The following ABCA8 variants were observed in gnomAD, a reference collection of about 807,000 sequenced individuals.
ABCA8 encodes ABC-type organic anion transporter ABCA8.
In ABCA8, 177 loss-of-function variants were observed where a neutral mutation model predicts 192.3. That is an observed-to-expected ratio of 0.92 (90% CI 0.81 to 1.04). The LOEUF is 1.04. Ranked by LOEUF, ABCA8 falls within the 50% of genes least tolerant of loss-of-function variation. The probability of loss-of-function intolerance (pLI) is 0.00; values close to 1 mark genes in which losing one functional copy is unlikely to be tolerated. For missense variants in ABCA8, 1,915 were observed against 1,904.8 expected (o/e 1.01, Z -0.10); for synonymous variants, 642 against 690.2 (o/e 0.93, Z 1.09).
chr17:68,914,341 G>A (rs940253914), intron 17 of ABCA8, among the ~76,000 whole-genome samples: 1 of 152,062 alleles, frequency 6.6e-6, no homozygotes, highest in Non-Finnish European at 1.5e-5. Context: ...AAATGGAAAG[G>A]AAGAAATAAA....
rs6146128 is a variant in ABCA8, at chr17:68,935,540, C to CTATATATATATATATATATATATATATA, written c.466+1383_466+1410dup. 2.5e-4 allele frequency among the ~76,000 whole-genome samples: 22 copies of CTATATATATATATATATATATATATATA among 87,274 alleles called. 1 individual carries two copies. Among genetic ancestry groups the CTATATATATATATATATATATATATATA allele is most frequent in the Admixed American group, 3.5e-4 (3 of 8,654 alleles). 57.3% of individuals were successfully genotyped at this position (87,274 alleles called of 152,430 possible). A position where few individuals can be genotyped will look rare whatever the true frequency, so the allele number is the denominator to read the frequency against. On this transcript the variant is annotated intron_variant, in intron 5 of 39. Coordinates refer to ENST00000586539, the MANE Select transcript of ABCA8 (RefSeq NM_001288985.2). ...TTTAATTTATGGCTGAGTAGTATTC[C>CTATATATATATATATATATATATATATA]TATATATATATATATATATATATAT...
At position 68,918,930 on chromosome 17, in the gene ABCA8, C is replaced by CAAAAAAA. The variant is rs34377045; in HGVS notation, c.1788+364_1788+370dup. Among the ~76,000 whole-genome samples, 289 of 45,916 alleles carry CAAAAAAA rather than the reference C, an allele frequency of 6.3e-3. 18 individuals carry two copies. The highest frequency in any genetic ancestry group is 0.017 in the African/African-American group (225 of 13,018). The allele number at this position is 45,916 out of a possible 152,430, so 30.1% of individuals were successfully genotyped here. A position where few individuals can be genotyped will look rare whatever the true frequency, so the allele number is the denominator to read the frequency against. ...GGGCGACAAGAGCAAAACTCTGTCT[C>CAAAAAAA]AAAAAAAAAAAAAAAAAAAAAAAAA... is the stretch of plus-strand genomic sequence containing the variant. On this transcript the variant is annotated intron_variant, in intron 14 of 39. Coordinates refer to ENST00000586539, the MANE Select transcript of ABCA8 (RefSeq NM_001288985.2).
In ABCA8 at chr17:68,894,251, C is replaced by T. The variant is rs1180667596; in HGVS notation, c.2958G>A (p.Met986Ile). 8.1e-6 allele frequency: 13 copies of T among 1,612,636 alleles called. No homozygotes were observed. The highest frequency in any genetic ancestry group is 1.0e-5 in the Non-Finnish European group (12 of 1,179,538). Residue 986 changes from methionine to isoleucine, a missense_variant, in exon 23 of 40, where the codon ATG becomes ATA. Coordinates refer to ENST00000586539, the MANE Select transcript of ABCA8 (RefSeq NM_001288985.2). ...CAAGTAGCCCATTACTAACAATGTC[C>T]ATAAGAACTGGGAAGCAATTCAATC... ...AKRLNCFPVL[M>I]DIVSNGLLGM...
intron 35 of ABCA8, chr17:68,876,175 T>C: frequency 3.9e-6 from 2 of 513,468 alleles, no homozygotes; most frequent in Non-Finnish European, 7.0e-6. Context: ...ACTACGTGAT[T>C]GTGATCTAGA....
rs541384576 is a variant in ABCA8 at position 68,894,870 on chromosome 17, A to C, written c.2898+10T>G. On this transcript the variant is annotated intron_variant, in intron 22 of 39. Coordinates refer to ENST00000586539, the MANE Select transcript of ABCA8 (RefSeq NM_001288985.2). Reference sequence around the variant, plus strand: ...ACATTTTTCAGAAAGATTATTAGAGACCTGCATACCTTTTCATTACAACAC... The same window carrying C: ...ACATTTTTCAGAAAGATTATTAGAGCCCTGCATACCTTTTCATTACAACAC... 2.6e-5 allele frequency: 41 copies of C among 1,607,584 alleles called. No individual in the cohort carries two copies. The African/African-American group carries it at 5.5e-4, about 22-fold the overall frequency.
rs202205972 is a variant in ABCA8 at position 68,936,806 on chromosome 17, AT to A, written c.466+144del. On this transcript the variant is annotated intron_variant, in intron 5 of 39. Coordinates refer to ENST00000586539, the MANE Select transcript of ABCA8 (RefSeq NM_001288985.2). ...GATATGTTCTTATGCCCAAAAATGA[AT>A]TTTTTTTTAAATGTTGAGGGACATG... 4.7e-4 allele frequency: 286 copies of A among 611,560 alleles called. 1 individual carries two copies. The highest frequency in any genetic ancestry group is 7.0e-4 in the South Asian group (15 of 21,372). 37.9% of individuals were successfully genotyped at this position (611,560 alleles called of 1,614,324 possible). A position where few individuals can be genotyped will look rare whatever the true frequency, so the allele number is the denominator to read the frequency against.
chr17:68,907,698 T>C (rs2067111002), intron 18 of ABCA8, 42 bp downstream of exon 18: 1 of 1,501,276 alleles, frequency 6.7e-7, no homozygotes, highest in Non-Finnish European at 9.0e-7. Context: ...TGATGATGAC[T>C]ATTATTCACA....
Position 68,918,561 on chromosome 17 carries a change from G to T in ABCA8, c.1789-15C>A. 1.2e-5 allele frequency: 18 copies of T among 1,470,696 alleles called. No individual in the cohort carries two copies. The highest frequency in any genetic ancestry group is 1.6e-5 in the Non-Finnish European group (18 of 1,121,388). 91.1% of individuals were successfully genotyped at this position (1,470,696 alleles called of 1,614,324 possible). A position where few individuals can be genotyped will look rare whatever the true frequency, so the allele number is the denominator to read the frequency against. Reference sequence around the variant, plus strand: ...ACCCTTTGTATCTAACCAAAAGACAGTATTTATGTCATACACCAAAATTTA... The same window carrying T: ...ACCCTTTGTATCTAACCAAAAGACATTATTTATGTCATACACCAAAATTTA... On this transcript the variant is annotated splice_polypyrimidine_tract_variant and intron_variant, in intron 14 of 39. Coordinates refer to ENST00000586539, the MANE Select transcript of ABCA8 (RefSeq NM_001288985.2).
At chr17:68,922,192 CTCTTTTTTTTTTTTTTTTTTTTTTTTT>C (rs1383093283) in intron 12 of ABCA8, 23 bp downstream of exon 12, 5 of 477,754 alleles carry the variant, frequency 1.0e-5, no homozygotes, top group East Asian at 1.1e-4. Flanking sequence ...CTTTCTCTCT[CTCTTTTTTTTTTTTTTTTTTTTTTTTT>C]TTTTTTTTTT....
rs776589114 is a variant in ABCA8, at chr17:68,921,451, G to C, written c.1543C>G (p.Leu515Val). 3.1e-6 allele frequency: 5 copies of C among 1,609,044 alleles called. No individual in the cohort carries two copies. In the Admixed American group the frequency reaches 8.3e-5, roughly 27 times the overall value. Residue 515 changes from leucine to valine, a missense_variant, in exon 13 of 40, where the codon CTT (leucine) becomes GTT (valine). By Grantham distance (32) the Leu-to-Val change is conservative. Coordinates refer to ENST00000586539, the MANE Select transcript of ABCA8 (RefSeq NM_001288985.2). ...GACTTTCCAGCTCCACTGTGACCAA[G>C]TATTGCAGTGATTTGGCCTTCGTAA... ...DIYEGQITAI[L>V]GHSGAGKSTL...
Position 68,901,535 on chromosome 17 carries a change from C to A in ABCA8, c.2764+1178G>T, listed in dbSNP as rs186867292. On this transcript the variant is annotated intron_variant, in intron 21 of 39. Coordinates refer to ENST00000586539, the MANE Select transcript of ABCA8 (RefSeq NM_001288985.2). ...AAAATTGCTGATGTGAGGCCGGGCG[C>A]GGTGGCTCACGCCTGTAATCCCAAC... Among the ~76,000 whole-genome samples the A allele has an allele frequency of 2.5e-3, 383 of 152,234 alleles. 1 individual carries two copies. The highest frequency in any genetic ancestry group is 0.024 in the Middle Eastern group (7 of 294).
Position 68,869,680 on chromosome 17 carries a change from T to C in ABCA8, c.4711+20A>G. 6.4e-7 allele frequency: 1 copy of C among 1,554,198 alleles called. No individual in the cohort carries two copies. The highest frequency in any genetic ancestry group is 8.9e-7 in the Non-Finnish European group (1 of 1,127,050). On this transcript the variant is annotated intron_variant, in intron 38 of 39. Coordinates refer to ENST00000586539, the MANE Select transcript of ABCA8 (RefSeq NM_001288985.2). ...AATTATCTTCTTTCCAGGGTCGTAC[T>C]TCAAAGTCATACTTCTTACCCTTCT... is the stretch of plus-strand genomic sequence containing the variant.
Position 68,884,392 on chromosome 17 carries a change from A to G in ABCA8, c.3554T>C (p.Leu1185Pro). 1.3e-6 allele frequency: 2 copies of G among 1,589,878 alleles called. No homozygotes were observed. The highest frequency in any genetic ancestry group is 1.7e-6 in the Non-Finnish European group (2 of 1,172,504). The change falls in exon 28 of 40, where the codon CTC (leucine) becomes CCC (proline). Residue 1185 changes from leucine to proline, a missense_variant. By Grantham distance (98) the Leu-to-Pro change is moderately conservative. Coordinates refer to ENST00000586539, the MANE Select transcript of ABCA8 (RefSeq NM_001288985.2). Reference sequence around the variant, plus strand: ...TTCTTCAGAAAAGAGAGAAGAAAAGAGAAGCTGCAAAAGAAAAGACAATTG... The same window carrying G: ...TTCTTCAGAAAAGAGAGAAGAAAAGGGAAGCTGCAAAAGAAAAGACAATTG... Reference protein sequence around the residue: ...IGCLFLSSHLLFSSLFSEERM... With the variant: ...IGCLFLSSHLPFSSLFSEERM...
chr17:68,868,754 A>C (rs1361951460), intron 38 of ABCA8, among the ~76,000 whole-genome samples: 2 of 152,172 alleles, frequency 1.3e-5, no homozygotes, highest in African/African-American at 4.8e-5. Context: ...AGGTATCTTC[A>C]CGGACCTCTA....
intron 23 of ABCA8, among the ~76,000 whole-genome samples, chr17:68,893,615 C>T (rs1206043760): frequency 1.3e-5 from 2 of 150,796 alleles, no homozygotes. Flanking sequence ...TTCATTCCTT[C>T]CTTCCTTCCT....
chr17:68,918,453 C>T lies in ABCA8; in HGVS notation c.1882G>A (p.Gly628Arg). The change falls in exon 15 of 40, where the codon GGG becomes AGG. Residue 628 changes from glycine (G) to arginine (R), a missense_variant. Transcript: ENST00000586539. ...TGAGGATCTCCTAAAATGGCAATCC[C>T]AAAGGTTAGCTTTCTTTTCTGTCCA... ...SGGQKRKLTF[G>R]IAILGDPQIF... 1.3e-6 allele frequency: 2 copies of T among 1,572,308 alleles called. No homozygotes were observed. The highest frequency in any genetic ancestry group is 1.7e-6 in the Non-Finnish European group (2 of 1,163,480).
At chr17:68,894,814 C>T in intron 22 of ABCA8, 66 bp downstream of exon 22, 2 of 1,484,000 alleles carry the variant, frequency 1.3e-6, no homozygotes, top group Non-Finnish European at 1.8e-6. Flanking sequence ...AAGTTGGAAG[C>T]CTGAGTATAT....
chr17:68,954,972 T>C (rs1457652579), intron 1 of ABCA8, among the ~76,000 whole-genome samples: 1 of 152,220 alleles, frequency 6.6e-6, no homozygotes, highest in African/African-American at 2.4e-5. Context: ...CAACATAATG[T>C]TTGCATAATT....
At chr17:68,933,071 G>A in intron 6 of ABCA8, 97 bp downstream of exon 6, 3 of 834,762 alleles carry the variant, frequency 3.6e-6, no homozygotes, top group East Asian at 4.9e-5. Context: ...GAAATAACAA[G>A]GCTATCCACT....
Sources: allele counts gnomAD v4.1 joint callset (sites outside exome capture counted in the v4.1 genomes callset), GRCh38; gene constraint gnomAD v4.1.1; transcripts MANE v1.5; gene names NCBI Gene and HGNC (gene_info 2026-07-23, HGNC 2026-07-21).